The following USP12 variants were observed in gnomAD, a reference collection of about 807,000 sequenced individuals.
The protein encoded by USP12 is ubiquitin specific peptidase 12, also known as ubiquitin carboxyl-terminal hydrolase 12.
In USP12, 19 loss-of-function variants were observed where a neutral mutation model predicts 45.5. The observed-to-expected ratio is 0.42, with a 90% CI of 0.29 to 0.61. The LOEUF is 0.61. Among genes scored for constraint, USP12 ranks in the 20% least tolerant of loss-of-function variants. USP12 has a pLI of 0.22. For missense variants in USP12, 242 were observed against 447.7 expected, an observed-to-expected ratio of 0.54 and a Z score of 4.15; for synonymous variants, 149 against 148.8, an observed-to-expected ratio of 1.00 and a Z score of -0.01.
chr13:27,113,485 C>T (rs1182987293), intron 2 of USP12, among the ~76,000 whole-genome samples: 1 of 152,170 alleles, frequency 6.6e-6, no homozygotes, highest in Non-Finnish European at 1.5e-5. Flanking sequence ...TGTATTTCCA[C>T]ATCCCCCTAC....
chr13:27,076,687 C>A (rs1274420204), intron 6 of USP12, among the ~76,000 whole-genome samples: 1 of 151,988 alleles, frequency 6.6e-6, no homozygotes, highest in Non-Finnish European at 1.5e-5. Context: ...TCTGGTGAAG[C>A]AAAATACTCC....
intron 3 of USP12, among the ~76,000 whole-genome samples, chr13:27,104,120 T>A (rs1875015481): frequency 6.6e-6 from 1 of 152,090 alleles, no homozygotes; most frequent in Admixed American, 6.6e-5. Context: ...AGCTTCAACC[T>A]CCTGGGCTCA....
intron 2 of USP12, among the ~76,000 whole-genome samples, chr13:27,116,153 A>G (rs1295167464): frequency 6.6e-6 from 1 of 152,066 alleles, no homozygotes; most frequent in East Asian, 1.9e-4. Flanking sequence ...TCTACTAAAA[A>G]TACAAAAAAT....
At chr13:27,125,228 A>T (rs1311119524) in intron 1 of USP12, among the ~76,000 whole-genome samples, 4 of 152,232 alleles carry the variant, frequency 2.6e-5, no homozygotes, top group South Asian at 2.1e-4. Context: ...GAAATTTTTT[A>T]AATTTTATAT....
intron 1 of USP12, among the ~76,000 whole-genome samples, chr13:27,140,740 C>G (rs1037661997): frequency 5.3e-5 from 8 of 152,152 alleles, no homozygotes; most frequent in African/African-American, 1.9e-4. Flanking sequence ...ATAATAAATT[C>G]AAAGATTTTA....
intron 7 of USP12, among the ~76,000 whole-genome samples, chr13:27,074,300 A>T (rs997383605): frequency 1.7e-4 from 26 of 152,140 alleles, no homozygotes; most frequent in African/African-American, 5.1e-4. Flanking sequence ...CTCGGGAGGC[A>T]GAGGCAGGAG....
intron 8 of USP12, 129 bp from the exon 9 acceptor site, chr13:27,069,513 T>G: frequency 1.4e-6 from 1 of 703,062 alleles, no homozygotes; most frequent in Non-Finnish European, 2.5e-6. Flanking sequence ...CACACACAGC[T>G]GGCAGGGCAC....
chr13:27,119,525 CTG>C (rs1875887049), intron 1 of USP12, among the ~76,000 whole-genome samples: 1 of 152,314 alleles, frequency 6.6e-6, no homozygotes, highest in Admixed American at 6.5e-5. Context: ...CCAAATTTAT[CTG>C]TTGGGTTTTC....
At chr13:27,135,566 T>C (rs1351454770) in intron 1 of USP12, among the ~76,000 whole-genome samples, 4 of 151,694 alleles carry the variant, frequency 2.6e-5, no homozygotes, top group African/African-American at 9.7e-5. Context: ...TCCAAAAAAC[T>C]TAGCCGGGCA....
chr13:27,148,875 T>C (rs904023735), intron 1 of USP12, among the ~76,000 whole-genome samples: 2 of 150,582 alleles, frequency 1.3e-5, no homozygotes, highest in African/African-American at 4.9e-5. Flanking sequence ...AGAATTCCTC[T>C]CTGAATACAA....
Sources: gnomAD v4.1 joint callset for allele counts (sites outside exome capture counted in the v4.1 genomes callset) on GRCh38, gnomAD v4.1.1 for gene constraint, MANE v1.5 for transcripts, NCBI Gene and HGNC (gene_info 2026-07-23, HGNC 2026-07-21) for gene names.